The following DNMBP variants were observed in gnomAD, a reference collection of about 807,000 sequenced individuals.
DNMBP encodes the protein dynamin-binding protein.
In DNMBP, 87 loss-of-function variants were observed where a neutral mutation model predicts 150.0. The observed-to-expected ratio is 0.58, with a 90% CI of 0.49 to 0.69. The LOEUF is 0.69. DNMBP is among the 30% of genes least tolerant of loss of function. DNMBP has a pLI of 0.00. For missense variants in DNMBP, 1,774 were observed against 1,949.0 expected (o/e 0.91, Z 1.69); for synonymous variants, 711 against 750.4 (o/e 0.95, Z 0.86).
intron 16 of DNMBP, 77 bp from the exon 17 acceptor site, chr10:99,877,413 G>T: frequency 8.1e-7 from 1 of 1,236,032 alleles, no homozygotes; most frequent in South Asian, 1.5e-5. Context: ...TGTTGGGGAG[G>T]GTTCCACATC....
chr10:99,910,494 A>G (rs2039885864), intron 4 of DNMBP, among the ~76,000 whole-genome samples: 1 of 152,208 alleles, frequency 6.6e-6, no homozygotes, highest in African/African-American at 2.4e-5. Flanking sequence ...GACACGAGAT[A>G]GTGCCATTAT....
At chr10:99,967,475 G>A (rs932660209) in intron 3 of DNMBP, among the ~76,000 whole-genome samples, 3 of 152,044 alleles carry the variant, frequency 2.0e-5, no homozygotes, top group Non-Finnish European at 2.9e-5. Context: ...GCAGTGAGCC[G>A]AGATCATGCC....
At chr10:99,922,831 A>T (rs898516516) in intron 4 of DNMBP, among the ~76,000 whole-genome samples, 6 of 152,126 alleles carry the variant, frequency 3.9e-5, no homozygotes, top group Non-Finnish European at 5.9e-5. Flanking sequence ...CTCTTGAAGA[A>T]ATATGGCCCT....
rs2040471750 is a variant in DNMBP, at chr10:99,955,309, T to G, written c.2165A>C (p.Lys722Thr). The G allele has an allele frequency of 6.2e-7, 1 of 1,614,198 alleles. No homozygotes were observed. The highest frequency in any genetic ancestry group is 1.1e-5 in the South Asian group (1 of 91,086). The change falls in exon 4 of 17, where the codon AAG becomes ACG. Residue 722 changes from lysine (K) to threonine (T), a missense_variant. This residue lies in a region of DNMBP where 1,430 missense variants were observed against 1,492.5 expected (regional missense o/e 0.96). Coordinates refer to ENST00000324109, the MANE Select transcript of DNMBP (RefSeq NM_015221.4). ...QEELNLMLEEKQDESSRAETL... is the reference protein window; with the variant it reads ...QEELNLMLEETQDESSRAETL... ...CTCTGCTCTTGATGATTCATCCTGC[T>G]TCTCCTCCAGCATGAGGTTTAGCTC...
intron 4 of DNMBP, among the ~76,000 whole-genome samples, chr10:99,940,621 G>T (rs74560745): frequency 0.017 from 2,540 of 152,220 alleles, 37 homozygotes; most frequent in African/African-American, 0.037. Flanking sequence ...GACTTCCGCT[G>T]GCACCTCAAT....
chr10:99,917,024 G>C (rs1424090273), intron 4 of DNMBP, among the ~76,000 whole-genome samples: 9 of 151,852 alleles, frequency 5.9e-5, no homozygotes, highest in Admixed American at 5.3e-4. Flanking sequence ...AAGAGCAAAA[G>C]GGCCCAGGTA....
At chr10:99,937,700 C>T (rs573337926) in intron 4 of DNMBP, among the ~76,000 whole-genome samples, 1 of 152,284 alleles carries the variant, frequency 6.6e-6, no homozygotes, top group East Asian at 1.9e-4. Context: ...CCAACCCTGC[C>T]CTCAGCTGGG....
At chr10:99,930,047 C>A (rs1210382977) in intron 4 of DNMBP, 2 of 702,976 alleles carry the variant, frequency 2.8e-6, no homozygotes, top group Non-Finnish European at 5.2e-6. Flanking sequence ...GATGAACATT[C>A]CTGTCCCCTT....
intron 6 of DNMBP, among the ~76,000 whole-genome samples, chr10:99,903,340 GT>G (rs1167165766): frequency 2.6e-4 from 39 of 148,796 alleles, no homozygotes; most frequent in Non-Finnish European, 3.4e-4. Context: ...TTTTTGTTTT[GT>G]TTTTTTTTAA....
At chr10:99,881,308 T>A (rs2039364077) in intron 15 of DNMBP, among the ~76,000 whole-genome samples, 1 of 152,212 alleles carries the variant, frequency 6.6e-6, no homozygotes, top group Non-Finnish European at 1.5e-5. Context: ...AATCCTTTGC[T>A]CTGAGAGTCT....
At position 99,954,029 on chromosome 10, in the gene DNMBP, T is replaced by C. The variant is rs540942986; in HGVS notation, c.2260+1185A>G. Among the ~76,000 whole-genome samples the C allele has an allele frequency of 2.6e-5, 4 of 151,690 alleles. No homozygotes were observed. In the South Asian group the frequency reaches 8.4e-4, roughly 32 times the overall value. On this transcript the variant is annotated intron_variant, in intron 4 of 16. Transcript: ENST00000324109. Reference sequence around the variant, plus strand: ...CCCAGAGGTATATGTGTCTCCGAGGTATGAGATTCTTTTTTTTTTTGGAGA... The same window carrying C: ...CCCAGAGGTATATGTGTCTCCGAGGCATGAGATTCTTTTTTTTTTTGGAGA...
chr10:99,889,011 A>C (rs907559934), intron 11 of DNMBP, 58 bp from the exon 12 acceptor site: 7 of 1,601,962 alleles, frequency 4.4e-6, no homozygotes, highest in Admixed American at 3.4e-5. Context: ...AGCTTTTGTC[A>C]TACATTCCAA....
intron 4 of DNMBP, among the ~76,000 whole-genome samples, chr10:99,917,495 T>C (rs2039976716): frequency 6.6e-6 from 1 of 152,210 alleles, no homozygotes; most frequent in African/African-American, 2.4e-5. Flanking sequence ...AGTATTTCTA[T>C]GATGAATATA....
chr10:99,969,100 T>C lies in DNMBP; in HGVS notation c.268+15A>G. The C allele has an allele frequency of 5.6e-6, 9 of 1,613,496 alleles. No homozygotes were observed. Among genetic ancestry groups the C allele is most frequent in the Non-Finnish European group, 7.6e-6 (9 of 1,179,732 alleles). On this transcript the variant is annotated intron_variant, in intron 3 of 16. Coordinates refer to ENST00000324109, the MANE Select transcript of DNMBP (RefSeq NM_015221.4). ...ATCTAATTTCAAATAGTCTACTATT[T>C]GATGAGCAGCTTACCTCGATGGAGG...
At chr10:99,886,265 A>C in intron 13 of DNMBP, 35 bp downstream of exon 13, 1 of 1,551,424 alleles carries the variant, frequency 6.4e-7, no homozygotes, top group Non-Finnish European at 8.8e-7. Context: ...CAAAGGCTAT[A>C]GATGACCATC....
chr10:100,006,004 T>C (rs2041066586), intron 1 of DNMBP, among the ~76,000 whole-genome samples: 1 of 152,180 alleles, frequency 6.6e-6, no homozygotes, highest in Non-Finnish European at 1.5e-5. Context: ...AAAACTCTTA[T>C]GACCTACGAT....
At chr10:100,000,063 A>G (rs1021307156) in intron 1 of DNMBP, among the ~76,000 whole-genome samples, 2 of 152,212 alleles carry the variant, frequency 1.3e-5, no homozygotes, top group African/African-American at 4.8e-5. Context: ...TAGTGCTATT[A>G]ATATAATTTG....
intron 16 of DNMBP, 128 bp from the exon 17 acceptor site, chr10:99,877,464 C>T: frequency 1.6e-6 from 1 of 621,874 alleles, no homozygotes; most frequent in South Asian, 2.6e-5. Context: ...GAAATATGGC[C>T]AGTGAGACAG....
chr10:99,929,999 AAT>A (rs2040130301), intron 4 of DNMBP: 1 of 702,974 alleles, frequency 1.4e-6, no homozygotes, highest in Non-Finnish European at 2.6e-6. Context: ...CCTGATCCAT[AAT>A]ATGAGTCTTT....
Sources: allele counts gnomAD v4.1 joint callset (sites outside exome capture counted in the v4.1 genomes callset), GRCh38; gene constraint gnomAD v4.1.1; regional missense constraint gnomAD v4.1.1; transcripts MANE v1.5; gene names NCBI Gene and HGNC (gene_info 2026-07-23, HGNC 2026-07-21).